PRKN: variants seen among roughly 807,000 people sequenced by gnomAD.
PRKN encodes the protein parkin RBR E3 ubiquitin protein ligase.
In PRKN, 56 loss-of-function variants were observed where a neutral mutation model predicts 59.5. The ratio of observed to expected loss-of-function variants is 0.94; its 90% CI spans 0.76 to 1.18. PRKN has a LOEUF of 1.18. Ranked by LOEUF, PRKN falls within the 50% of genes most tolerant of loss-of-function variation. The pLI is 0.00. For synonymous variants in PRKN, 250 were observed against 222.1 expected, an observed-to-expected ratio of 1.13 and a Z score of -1.12; for missense variants, 657 against 596.4, an observed-to-expected ratio of 1.10 and a Z score of -1.06.
intron 1 of PRKN, among the ~76,000 whole-genome samples, chr6:162,544,524 A>C (rs1393999068): frequency 6.6e-6 from 1 of 152,146 alleles, no homozygotes; most frequent in Non-Finnish European, 1.5e-5. Flanking sequence ...TGTAGGTATT[A>C]AAATTTCATC....
At position 161,962,965 on chromosome 6, in the gene PRKN, C is replaced by G. The variant is rs1048520319; in HGVS notation, c.734+10337G>C. On this transcript the variant is annotated intron_variant, in intron 6 of 11. Transcript: ENST00000366898. ...TTCGAGACAAGACTGGCCAACATGG[C>G]GAAACCCCGTCTCTACTAAAAATAT... 2.0e-5 allele frequency among the ~76,000 whole-genome samples: 3 copies of G among 151,876 alleles called. No individual in the cohort carries two copies. The East Asian group carries it at 5.9e-4, about 30-fold the overall frequency.
intron 4 of PRKN, among the ~76,000 whole-genome samples, chr6:162,061,709 G>A (rs1043180326): frequency 2.0e-5 from 3 of 151,964 alleles, no homozygotes; most frequent in African/African-American, 7.3e-5. Flanking sequence ...TAGTAACCAG[G>A]AAAAAGAACG....
At chr6:162,537,709 T>C (rs768390104) in intron 1 of PRKN, among the ~76,000 whole-genome samples, 2 of 152,174 alleles carry the variant, frequency 1.3e-5, no homozygotes, top group Non-Finnish European at 2.9e-5. Flanking sequence ...CCTGTCCCTA[T>C]TTCTACATCA....
At position 162,565,644 on chromosome 6, in the gene PRKN, C is replaced by T. The variant is rs918035880; in HGVS notation, c.8-122171G>A. On this transcript the variant is annotated intron_variant, in intron 1 of 11. Transcript: ENST00000366898. ...GGCAGAGGTTGCAGTGAGCTGAGATCGTGCCATTGCACTCCAGCCTGGGTG... is the reference window on the plus strand; with the variant it reads ...GGCAGAGGTTGCAGTGAGCTGAGATTGTGCCATTGCACTCCAGCCTGGGTG... 9.2e-5 allele frequency among the ~76,000 whole-genome samples: 14 copies of T among 152,060 alleles called. No individual in the cohort carries two copies. The East Asian group carries it at 9.6e-4, about 10-fold the overall frequency.
chr6:162,467,697 T>C (rs537307574), intron 1 of PRKN, among the ~76,000 whole-genome samples: 5 of 152,104 alleles, frequency 3.3e-5, no homozygotes, highest in African/African-American at 1.2e-4. Context: ...CTTCCTACTT[T>C]AAAGGCCTCA....
At chr6:162,273,710 A>T (rs116263014) in intron 2 of PRKN, among the ~76,000 whole-genome samples, 2,937 of 152,300 alleles carry the variant, frequency 0.019, 93 homozygotes, top group African/African-American at 0.068. Context: ...ATGAATTTTT[A>T]AAAAATCCAA....
chr6:161,874,816 G>GAATAATATATAAAATATA (rs1794624693), intron 6 of PRKN, among the ~76,000 whole-genome samples: 1 of 93,560 alleles, frequency 1.1e-5, no homozygotes, highest in Non-Finnish European at 1.8e-5. Flanking sequence ...TATATAAAAT[G>GAATAATATATAAAATATA]TATAATATAT....
intron 4 of PRKN, among the ~76,000 whole-genome samples, chr6:162,058,098 T>C (rs2128286706): frequency 6.6e-6 from 1 of 152,344 alleles, no homozygotes; most frequent in East Asian, 1.9e-4. Context: ...ATCAGATTTC[T>C]CTCTTTTTTA....
intron 2 of PRKN, among the ~76,000 whole-genome samples, chr6:162,283,888 A>G (rs982871460): frequency 6.6e-6 from 1 of 152,244 alleles, no homozygotes; most frequent in Non-Finnish European, 1.5e-5. Context: ...AAATAAAGAT[A>G]CACACTAGCG....
intron 9 of PRKN, among the ~76,000 whole-genome samples, chr6:161,439,970 TG>T (rs768289605): frequency 1.4e-5 from 2 of 138,406 alleles, no homozygotes; most frequent in Non-Finnish European, 3.2e-5. Flanking sequence ...TTTTTTTTTT[TG>T]ACGGAGTCTC....
intron 9 of PRKN, among the ~76,000 whole-genome samples, chr6:161,392,504 CCTCTCTCT>C (rs67425763): frequency 2.0e-4 from 29 of 145,362 alleles, no homozygotes; most frequent in Admixed American, 2.1e-4. Context: ...ATAGTTCAAA[CCTCTCTCT>C]CTCTCTCTCT....
At chr6:161,542,245 T>C (rs113776943) in intron 9 of PRKN, among the ~76,000 whole-genome samples, 9 of 152,274 alleles carry the variant, frequency 5.9e-5, no homozygotes, top group South Asian at 4.1e-4. Context: ...TAGCCATTTA[T>C]ATTATTGACA....
chr6:162,318,185 C>T (rs928629079), intron 2 of PRKN, among the ~76,000 whole-genome samples: 1 of 152,034 alleles, frequency 6.6e-6, no homozygotes, highest in African/African-American at 2.4e-5. Flanking sequence ...TGTGTGACTG[C>T]TTATTTCACT....
At chr6:162,664,114 A>C (rs182002759) in intron 1 of PRKN, among the ~76,000 whole-genome samples, 6 of 151,350 alleles carry the variant, frequency 4.0e-5, no homozygotes, top group Non-Finnish European at 7.4e-5. Flanking sequence ...TCAATGTTCA[A>C]CTCCCACCTA....
chr6:162,050,433 A>G (rs1182051518), intron 5 of PRKN, among the ~76,000 whole-genome samples: 2 of 150,568 alleles, frequency 1.3e-5, no homozygotes, highest in Non-Finnish European at 2.9e-5. Flanking sequence ...TTTTGTGTGC[A>G]CTACTTAAGT....
At chr6:162,005,925 G>T (rs1007409072) in intron 5 of PRKN, among the ~76,000 whole-genome samples, 53 of 151,846 alleles carry the variant, frequency 3.5e-4, no homozygotes, top group African/African-American at 1.3e-3. Context: ...AGCCATTTGT[G>T]AATTTAATAT....
Position 161,934,089 on chromosome 6 carries a change from A to G in PRKN, c.734+39213T>C, listed in dbSNP as rs187790643. 1.3e-4 allele frequency among the ~76,000 whole-genome samples: 20 copies of G among 152,340 alleles called. No individual in the cohort carries two copies. The East Asian group carries it at 3.7e-3, about 28-fold the overall frequency. ...TAACGAGAGAGACCAGGAAGAGGTA[A>G]TTGAATCACGGGGGCGCTTCGCCAT... On this transcript the variant is annotated intron_variant, in intron 6 of 11. Transcript: ENST00000366898.
intron 1 of PRKN, among the ~76,000 whole-genome samples, chr6:162,547,587 T>C (rs1185621607): frequency 6.6e-6 from 1 of 152,090 alleles, no homozygotes; most frequent in Non-Finnish European, 1.5e-5. Flanking sequence ...ATTATTATTA[T>C]ATTATTTTTT....
chr6:161,518,969 C>T lies in PRKN; in HGVS notation c.1083+29885G>A, dbSNP rs1403166428. On this transcript the variant is annotated intron_variant, in intron 9 of 11. Coordinates refer to ENST00000366898, the MANE Select transcript of PRKN (RefSeq NM_004562.3). This position sits in a 1 kb window ranked among gnomAD's most constrained non-coding sequence, Gnocchi z 5.0. ...CATGGAACTCTGGGAAAACTGCACTCGTGTCCAGATGCAAGTAAATGATAA... is the reference window on the plus strand; with the variant it reads ...CATGGAACTCTGGGAAAACTGCACTTGTGTCCAGATGCAAGTAAATGATAA... Among the ~76,000 whole-genome samples, 1 of 152,162 alleles carries T rather than the reference C, an allele frequency of 6.6e-6. No homozygotes were observed. Among genetic ancestry groups the T allele is most frequent in the African/African-American group, 2.4e-5 (1 of 41,440 alleles).
Sources: gnomAD v4.1 joint callset for allele counts (sites outside exome capture counted in the v4.1 genomes callset) on GRCh38, gnomAD v4.1.1 for gene constraint, Gnocchi (gnomAD v3.1) non-coding constraint, MANE v1.5 for transcripts, NCBI Gene and HGNC (gene_info 2026-07-23, HGNC 2026-07-21) for gene names.